Variants in ELAC2 observed in about 807,000 individuals in gnomAD.
The protein encoded by ELAC2 is elaC ribonuclease Z 2, also known as zinc phosphodiesterase ELAC protein 2.
ELAC2 carries 92 observed loss-of-function variants against 105.2 expected under a neutral mutation model. That is an observed-to-expected ratio of 0.87 (90% CI 0.74 to 1.04). The LOEUF is 1.04. Ranked by LOEUF, ELAC2 falls within the 50% of genes least tolerant of loss-of-function variation. ELAC2 has a pLI of 0.00. For missense variants in ELAC2, 1,099 were observed against 1,071.7 expected (o/e 1.03, Z -0.36); for synonymous variants, 468 against 409.1 (o/e 1.14, Z -1.74).
In ELAC2 at chr17:13,003,579, G is replaced by A. The variant is rs752324594; in HGVS notation, c.984-5C>T. On this transcript the variant is annotated splice_polypyrimidine_tract_variant and splice_region_variant and intron_variant, in intron 11 of 23. Coordinates refer to ENST00000338034, the MANE Select transcript of ELAC2 (RefSeq NM_018127.7). ...GCATCTGCCTTTCCTTGGTACCTGG[G>A]CAGAAGAGTGGGGCTTTACAAAGTG... The A allele has an allele frequency of 6.2e-7, 1 of 1,613,576 alleles. No individual in the cohort carries two copies. Among genetic ancestry groups the A allele is most frequent in the South Asian group, 1.1e-5 (1 of 91,066 alleles).
chr17:13,006,505 C>T (rs1215881877), intron 8 of ELAC2: 1 of 164,940 alleles, frequency 6.1e-6, no homozygotes, highest in Non-Finnish European at 1.3e-5. Flanking sequence ...GCCAAAATGA[C>T]TTAAATCAGT....
intron 4 of ELAC2, among the ~76,000 whole-genome samples, chr17:13,015,027 C>T (rs557018233): frequency 5.4e-4 from 82 of 152,268 alleles, no homozygotes; most frequent in Admixed American, 1.2e-3. Flanking sequence ...GGGTAGCGGC[C>T]GGGGCCTACA....
In ELAC2 at chr17:13,003,538, C is replaced by T. The variant is rs909353625; in HGVS notation, c.1020G>A (p.Val340=). The T allele has an allele frequency of 6.8e-6, 11 of 1,614,082 alleles. No homozygotes were observed. The highest frequency in any genetic ancestry group is 9.3e-6 in the Non-Finnish European group (11 of 1,180,030). The change falls in exon 12 of 24, where the codon GTG becomes GTA. Residue 340 remains valine (V), a synonymous_variant. Coordinates refer to ENST00000338034, the MANE Select transcript of ELAC2 (RefSeq NM_018127.7). ...GCACAGATGCTGGGGCCATGTGAAC[C>T]ACCAAGGCCACGGGGGCATCTGCCT... ...QGKADAPVAL[V]VHMAPASVLV...
intron 5 of ELAC2, 32 bp downstream of exon 5, chr17:13,014,407 T>A: frequency 6.4e-7 from 1 of 1,559,592 alleles, no homozygotes; most frequent in South Asian, 1.1e-5. Flanking sequence ...AAGTTAGAAA[T>A]AGCAGAGGAT....
intron 12 of ELAC2, 171 bp downstream of exon 12, chr17:13,003,308 A>C: frequency 1.5e-6 from 1 of 685,874 alleles, no homozygotes; most frequent in Non-Finnish European, 2.6e-6. Context: ...TTTCTTCACG[A>C]GTGTAGCACA....
chr17:12,999,804 G>A (rs1398908633), intron 15 of ELAC2, among the ~76,000 whole-genome samples: 1 of 152,120 alleles, frequency 6.6e-6, no homozygotes, highest in Admixed American at 6.5e-5. Context: ...GACTACAGGC[G>A]CCCGCCGCCA....
intron 5 of ELAC2, among the ~76,000 whole-genome samples, chr17:13,013,506 T>C (rs2041543038): frequency 6.6e-6 from 1 of 151,384 alleles, no homozygotes; most frequent in African/African-American, 2.4e-5. Context: ...TTATAATCTT[T>C]GGTGACTATC....
At chr17:13,002,157 G>C in intron 14 of ELAC2, 117 bp downstream of exon 14, 4 of 1,105,886 alleles carry the variant, frequency 3.6e-6, no homozygotes, top group Non-Finnish European at 5.3e-6. Context: ...GAGTTGAATA[G>C]TTACAACAGA....
At chr17:13,017,037 C>T (rs980909666) in intron 2 of ELAC2, 34 bp downstream of exon 2, 14 of 1,613,732 alleles carry the variant, frequency 8.7e-6, no homozygotes, top group Non-Finnish European at 1.2e-5. Context: ...GCCCCGTAAT[C>T]AACTCCCCCT....
At chr17:13,011,834 G>T (rs1365630202) in intron 6 of ELAC2, 52 bp from the exon 7 acceptor site, 1 of 1,613,604 alleles carries the variant, frequency 6.2e-7, no homozygotes. Flanking sequence ...TGAGCTGACA[G>T]CCAAGGCCCA....
Position 12,994,337 on chromosome 17 carries a change from A to G in ELAC2, c.2108+88T>C, listed in dbSNP as rs537368002. The G allele has an allele frequency of 4.6e-4, 656 of 1,434,096 alleles. 15 individuals are homozygous for G. In the South Asian group the frequency reaches 6.3e-3, roughly 14 times the overall value. 88.8% of individuals were successfully genotyped at this position (1,434,096 alleles called of 1,614,324 possible). On this transcript the variant is annotated intron_variant, in intron 22 of 23. Transcript: ENST00000338034. ...TTGATAGGAAGCAGGGCAGCCCCAC[A>G]TCAGTGGAGACAAACGACGGCTGCT... is the stretch of plus-strand genomic sequence containing the variant.
rs2041520417 is a variant in ELAC2, at chr17:13,013,200, T to C, written c.559+7A>G. 6.2e-7 allele frequency: 1 copy of C among 1,614,224 alleles called. No individual in the cohort carries two copies. Among genetic ancestry groups the C allele is most frequent in the East Asian group, 2.2e-5 (1 of 44,878 alleles). ...CTCCTCCTGGGAAACCTGGCTTTCATACTCACTGTGTATGGGGATCTGGTA... is the reference window on the plus strand; with the variant it reads ...CTCCTCCTGGGAAACCTGGCTTTCACACTCACTGTGTATGGGGATCTGGTA... On this transcript the variant is annotated splice_region_variant and intron_variant, in intron 6 of 23. Coordinates refer to ENST00000338034, the MANE Select transcript of ELAC2 (RefSeq NM_018127.7).
intron 8 of ELAC2, among the ~76,000 whole-genome samples, chr17:13,009,392 A>G (rs1276945965): frequency 6.6e-6 from 1 of 152,254 alleles, no homozygotes; most frequent in African/African-American, 2.4e-5. Flanking sequence ...TGCAAATTGT[A>G]TTGATAAAAT....
intron 1 of ELAC2, 140 bp downstream of exon 1, chr17:13,017,563 C>A (rs2041814204): frequency 6.9e-7 from 1 of 1,443,358 alleles, no homozygotes. Flanking sequence ...GATTTCCCAC[C>A]CACCATAACT....
Position 13,017,089 on chromosome 17 carries a change from C to G in ELAC2, c.278G>C (p.Arg93Thr), listed in dbSNP as rs1357084802. 2.5e-6 allele frequency: 4 copies of G among 1,614,074 alleles called. No homozygotes were observed. The African/African-American group carries it at 5.3e-5, about 22-fold the overall frequency. The change falls in exon 2 of 24, where the codon AGA becomes ACA. Residue 93 changes from arginine (R) to threonine (T), a missense_variant. Transcript: ENST00000338034. ...YLFNCGEGVQ[R>T]LMQEHKLKVA... Reference sequence around the variant, plus strand: ...GACTCACTTGTGCTCCTGCATGAGTCTCTGAACGCCTTCTCCACAGTTGAA... The same window carrying G: ...GACTCACTTGTGCTCCTGCATGAGTGTCTGAACGCCTTCTCCACAGTTGAA...
chr17:13,004,425 G>C (rs1033771353), intron 11 of ELAC2, among the ~76,000 whole-genome samples: 1 of 152,180 alleles, frequency 6.6e-6, no homozygotes, highest in East Asian at 1.9e-4. Context: ...ATTAAGAGTG[G>C]GGGAAAAGAT....
At chr17:13,002,882 G>C (rs906509712) in intron 12 of ELAC2, among the ~76,000 whole-genome samples, 2 of 152,204 alleles carry the variant, frequency 1.3e-5, no homozygotes, top group Non-Finnish European at 2.9e-5. Context: ...GACAGCAGGA[G>C]AGCAGGCCAT....
At chr17:13,015,081 G>C (rs905722742) in intron 4 of ELAC2, among the ~76,000 whole-genome samples, 7 of 152,328 alleles carry the variant, frequency 4.6e-5, no homozygotes, top group African/African-American at 1.7e-4. Context: ...TATTGCAATG[G>C]GGAGCCCATG....
At position 12,991,877 on chromosome 17, in the gene ELAC2, C is replaced by CTT. The variant is rs1311985017; in HGVS notation, c.*939_*940dup. ...CTTACTTACTTACTTACTTTACTTACTTACTTCCTTGGAAAATGCTCTCCA... is the reference window on the plus strand; with the variant it reads ...CTTACTTACTTACTTACTTTACTTACTTTTACTTCCTTGGAAAATGCTCTCCA... On this transcript the variant is annotated 3_prime_UTR_variant, in exon 24 of 24. Coordinates refer to ENST00000338034, the MANE Select transcript of ELAC2 (RefSeq NM_018127.7). 2.0e-5 allele frequency among the ~76,000 whole-genome samples: 3 copies of CTT among 150,960 alleles called. No individual in the cohort carries two copies. Among genetic ancestry groups the CTT allele is most frequent in the African/African-American group, 5.0e-5 (2 of 40,344 alleles).
Sources: gnomAD v4.1 joint callset for allele counts (sites outside exome capture counted in the v4.1 genomes callset) on GRCh38, gnomAD v4.1.1 for gene constraint, MANE v1.5 for transcripts, NCBI Gene and HGNC (gene_info 2026-07-23, HGNC 2026-07-21) for gene names.